ST6GALNAC3: variants seen among roughly 807,000 people sequenced by gnomAD.
ST6GALNAC3 encodes ST6 N-acetylgalactosaminide alpha-2,6-sialyltransferase 3, also known as alpha-N-acetylgalactosaminide alpha-2,6-sialyltransferase 3.
A neutral mutation model predicts 32.7 loss-of-function variants in ST6GALNAC3; 25 were observed. That is an observed-to-expected ratio of 0.76 (90% CI 0.56 to 1.07). ST6GALNAC3 has a LOEUF of 1.07. ST6GALNAC3 is among the 50% of genes least tolerant of loss of function. ST6GALNAC3 has a pLI of 0.00. For missense variants in ST6GALNAC3, 355 were observed against 382.4 expected (o/e 0.93, Z 0.60); for synonymous variants, 129 against 133.1 (o/e 0.97, Z 0.21).
At chr1:76,482,141 C>T (rs933302464) in intron 3 of ST6GALNAC3, among the ~76,000 whole-genome samples, 2 of 144,948 alleles carry the variant, frequency 1.4e-5, no homozygotes, top group African/African-American at 5.2e-5. Flanking sequence ...ATTTTCTTTA[C>T]ACACACACAC....
In ST6GALNAC3 at chr1:76,509,347, A is replaced by G. The variant is rs1661688328; in HGVS notation, c.623+96930A>G. 6.6e-6 allele frequency among the ~76,000 whole-genome samples: 1 copy of G among 152,198 alleles called. No homozygotes were observed. On this transcript the variant is annotated intron_variant, in intron 3 of 4. Coordinates refer to ENST00000328299, the MANE Select transcript of ST6GALNAC3 (RefSeq NM_152996.4). The surrounding 1 kb of genome is among the most constrained non-coding windows in gnomAD (Gnocchi z 5.5). ...CCAGTAAACTAGCTTGAGTCAGATG[A>G]ACTTCATATTAAGAATGGGTGGAAA...
chr1:76,128,966 G>C (rs538387381), intron 1 of ST6GALNAC3, among the ~76,000 whole-genome samples: 1 of 152,330 alleles, frequency 6.6e-6, no homozygotes, highest in Admixed American at 6.5e-5. Flanking sequence ...CTGCCCTGGA[G>C]AGTCACCCAG....
At chr1:76,263,831 T>TC (rs113366734) in intron 1 of ST6GALNAC3, among the ~76,000 whole-genome samples, 1 of 152,132 alleles carries the variant, frequency 6.6e-6, no homozygotes, top group African/African-American at 2.4e-5. Context: ...AGAAGTGCTT[T>TC]TTTTTTTTTA....
chr1:76,254,310 A>G (rs1365063241), intron 1 of ST6GALNAC3, among the ~76,000 whole-genome samples: 5 of 152,106 alleles, frequency 3.3e-5, no homozygotes, highest in Non-Finnish European at 7.4e-5. Flanking sequence ...CTTAGCTGCA[A>G]TTAAGGAAGC....
intron 3 of ST6GALNAC3, among the ~76,000 whole-genome samples, chr1:76,612,136 T>C (rs1465683419): frequency 8.5e-5 from 13 of 152,230 alleles, no homozygotes; most frequent in African/African-American, 2.9e-4. Flanking sequence ...GCCTCCCCTT[T>C]TTGTGATTGT....
chr1:76,560,392 G>A (rs868390459), intron 3 of ST6GALNAC3, among the ~76,000 whole-genome samples: 5 of 151,930 alleles, frequency 3.3e-5, no homozygotes, highest in South Asian at 2.1e-4. Context: ...GAAGTGAAGC[G>A]ACAACCCACA....
intron 1 of ST6GALNAC3, among the ~76,000 whole-genome samples, chr1:76,236,358 C>T (rs566665): frequency 0.38 from 57,601 of 152,004 alleles, 12,908 homozygotes; most frequent in African/African-American, 0.63. Context: ...TGGAAGAATA[C>T]AATTCAACCC....
intron 1 of ST6GALNAC3, among the ~76,000 whole-genome samples, chr1:76,211,215 G>T (rs539134057): frequency 6.6e-6 from 1 of 152,316 alleles, no homozygotes; most frequent in African/African-American, 2.4e-5. Flanking sequence ...TCAGAGAAAT[G>T]CAAATTGAAA....
chr1:76,172,019 A>G (rs1372772988), intron 1 of ST6GALNAC3, among the ~76,000 whole-genome samples: 1 of 152,144 alleles, frequency 6.6e-6, no homozygotes, highest in Non-Finnish European at 1.5e-5. Flanking sequence ...AAAACTGGGA[A>G]GAGACACAAC....
intron 1 of ST6GALNAC3, among the ~76,000 whole-genome samples, chr1:76,224,910 C>A (rs553537272): frequency 6.6e-6 from 1 of 152,202 alleles, no homozygotes; most frequent in Non-Finnish European, 1.5e-5. Flanking sequence ...CTGATGACAG[C>A]AGAAAACCCA....
intron 3 of ST6GALNAC3, among the ~76,000 whole-genome samples, chr1:76,432,463 T>G (rs1322181724): frequency 1.5e-5 from 2 of 137,760 alleles, no homozygotes; most frequent in Non-Finnish European, 3.1e-5. Context: ...TTTTTTTTTT[T>G]TTTTTTTTTG....
At chr1:76,300,945 G>C (rs1005018203) in intron 1 of ST6GALNAC3, among the ~76,000 whole-genome samples, 4 of 151,970 alleles carry the variant, frequency 2.6e-5, no homozygotes, top group African/African-American at 9.7e-5. Context: ...GGAAAGGAAA[G>C]AAGACATTGC....
chr1:76,314,086 A>G, intron 2 of ST6GALNAC3, 87 bp downstream of exon 2: 1 of 1,319,736 alleles, frequency 7.6e-7, no homozygotes, highest in Non-Finnish European at 1.0e-6. Context: ...CAACTCACTG[A>G]ACTTACTCTG....
chr1:76,589,787 G>A (rs1647019283), intron 3 of ST6GALNAC3, among the ~76,000 whole-genome samples: 1 of 151,282 alleles, frequency 6.6e-6, no homozygotes, highest in Non-Finnish European at 1.5e-5. Flanking sequence ...AGATGAACTG[G>A]GCATTCAGAT....
At chr1:76,147,750 G>A (rs1044274675) in intron 1 of ST6GALNAC3, among the ~76,000 whole-genome samples, 8 of 152,138 alleles carry the variant, frequency 5.3e-5, no homozygotes, top group African/African-American at 1.7e-4. Context: ...ATGAATGAGG[G>A]AGCCTTCTCA....
chr1:76,485,528 C>A (rs1173351670), intron 3 of ST6GALNAC3, among the ~76,000 whole-genome samples: 1 of 152,190 alleles, frequency 6.6e-6, no homozygotes, highest in Non-Finnish European at 1.5e-5. Context: ...TTATAATATT[C>A]TCTGATGGTT....
At chr1:76,521,105 C>T (rs1662504268) in intron 3 of ST6GALNAC3, among the ~76,000 whole-genome samples, 1 of 151,758 alleles carries the variant, frequency 6.6e-6, no homozygotes, top group South Asian at 2.1e-4. Flanking sequence ...AATATGTACC[C>T]ATGTCTTATT....
intron 2 of ST6GALNAC3, among the ~76,000 whole-genome samples, chr1:76,390,804 T>C (rs185541971): frequency 6.6e-6 from 1 of 151,952 alleles, no homozygotes; most frequent in African/African-American, 2.4e-5. Flanking sequence ...AACCTGTAAA[T>C]TGTTTTGTGG....
intron 3 of ST6GALNAC3, among the ~76,000 whole-genome samples, chr1:76,455,265 C>A (rs965981221): frequency 2.0e-5 from 3 of 150,558 alleles, no homozygotes; most frequent in Non-Finnish European, 4.4e-5. Flanking sequence ...TCCTTGTTTT[C>A]TGTTTCTTTT....
Sources: allele counts gnomAD v4.1 joint callset (sites outside exome capture counted in the v4.1 genomes callset), GRCh38; gene constraint gnomAD v4.1.1; non-coding constraint Gnocchi (gnomAD v3.1); transcripts MANE v1.5; gene names NCBI Gene and HGNC (gene_info 2026-07-23, HGNC 2026-07-21).